IKZF3: variants seen among roughly 807,000 people sequenced by gnomAD.
IKZF3 encodes the protein IKAROS family zinc finger 3.
Under a neutral mutation model 49.0 loss-of-function variants are expected in IKZF3, and 10 were observed. That is an observed-to-expected ratio of 0.20 (90% CI 0.13 to 0.35). The LOEUF is 0.35. Ranked by LOEUF, IKZF3 falls within the 10% of genes least tolerant of loss-of-function variation. The pLI is 1.00. For missense variants in IKZF3, 498 were observed against 664.8 expected, an observed-to-expected ratio of 0.75 and a Z score of 2.76; for synonymous variants, 209 against 228.2, an observed-to-expected ratio of 0.92 and a Z score of 0.76.
chr17:39,784,137 ATAT>A (rs1404540104), intron 6 of IKZF3, among the ~76,000 whole-genome samples: 1 of 152,192 alleles, frequency 6.6e-6, no homozygotes, highest in Middle Eastern at 3.2e-3. Flanking sequence ...TTATTTAAAA[ATAT>A]TATTATTGCT....
chr17:39,832,048 T>A, intron 2 of IKZF3, 50 bp downstream of exon 2: 1 of 1,337,766 alleles, frequency 7.5e-7, no homozygotes, highest in Admixed American at 1.8e-5. Context: ...CTCTCTTTGG[T>A]ATTTTTTTTA....
At chr17:39,779,375 C>T (rs1025133317) in intron 6 of IKZF3, among the ~76,000 whole-genome samples, 49 of 152,082 alleles carry the variant, frequency 3.2e-4, no homozygotes, top group Admixed American at 3.1e-3. Flanking sequence ...GCCGGAGAAT[C>T]GCTTGAACCC....
At chr17:39,768,112 T>C (rs1221874664) in intron 7 of IKZF3, among the ~76,000 whole-genome samples, 1 of 152,164 alleles carries the variant, frequency 6.6e-6, no homozygotes, top group Non-Finnish European at 1.5e-5. Flanking sequence ...TTATTCTAAA[T>C]GCCCACATTT....
At chr17:39,784,991 G>A (rs964391707) in intron 6 of IKZF3, among the ~76,000 whole-genome samples, 4 of 152,126 alleles carry the variant, frequency 2.6e-5, no homozygotes, top group Non-Finnish European at 5.9e-5. Context: ...CTTACAATAA[G>A]CACTTGAAGA....
intron 3 of IKZF3, among the ~76,000 whole-genome samples, chr17:39,801,373 C>G (rs752555081): frequency 6.6e-6 from 1 of 151,834 alleles, no homozygotes; most frequent in African/African-American, 2.4e-5. Flanking sequence ...GGGGGCTTTT[C>G]TAGCACGCCA....
intron 3 of IKZF3, among the ~76,000 whole-genome samples, chr17:39,806,286 T>C (rs2061430607): frequency 6.6e-6 from 1 of 152,202 alleles, no homozygotes; most frequent in South Asian, 2.1e-4. Context: ...CAGGCAAAGA[T>C]TTCTTAGATA....
intron 6 of IKZF3, among the ~76,000 whole-genome samples, chr17:39,783,915 T>A (rs113812449): frequency 3.3e-5 from 5 of 151,724 alleles, no homozygotes; most frequent in African/African-American, 9.7e-5. Context: ...GGTGACAGAG[T>A]GAGACTCTGT....
At chr17:39,831,201 G>T (rs1486059883) in intron 2 of IKZF3, among the ~76,000 whole-genome samples, 1 of 152,010 alleles carries the variant, frequency 6.6e-6, no homozygotes, top group East Asian at 1.9e-4. Flanking sequence ...GACCAACGTG[G>T]TGAAACCCCG....
chr17:39,763,472 C>A lies in IKZF3; in HGVS notation c.*2318G>T, dbSNP rs1472994063. The A allele has an allele frequency of 6.6e-6, 1 of 152,038 alleles. No individual in the cohort carries two copies. The highest frequency in any genetic ancestry group is 1.5e-5 in the Non-Finnish European group (1 of 68,002). 9.4% of individuals were successfully genotyped at this position (152,038 alleles called of 1,614,324 possible). On this transcript the variant is annotated 3_prime_UTR_variant, in exon 8 of 8. Transcript: ENST00000346872. ...TGTCCCTGGAAGCAGAATTTATTTT[C>A]CCTAACATAATTTCTTAAAAAGTAA...
Position 39,766,201 on chromosome 17 carries a change from A to G in IKZF3, c.1119T>C (p.Ser373=), listed in dbSNP as rs774289413. ...TATTGTTGGGAGAGAGGCCTCTCTC[A>G]GAAGGCACGCTCTTCTCTGGAAGGT... The part of the protein sequence containing the change: ...SIHLPEKSVP[S]ERGLSPNNSG... Residue 373 remains serine (S), a synonymous_variant, in exon 8 of 8, where the codon TCT becomes TCC. Coordinates refer to ENST00000346872, the MANE Select transcript of IKZF3 (RefSeq NM_012481.5). The G allele has an allele frequency of 5.6e-6, 9 of 1,614,004 alleles. No individual in the cohort carries two copies. In the Admixed American group the frequency reaches 1.5e-4, roughly 27 times the overall value.
chr17:39,835,161 C>T (rs1022254646), intron 1 of IKZF3: 4 of 490,704 alleles, frequency 8.2e-6, no homozygotes, highest in East Asian at 5.4e-5. Flanking sequence ...ACCTGAGTAG[C>T]CCCTGGTGGT....
At chr17:39,805,875 A>T (rs1439676208) in intron 3 of IKZF3, among the ~76,000 whole-genome samples, 1 of 152,240 alleles carries the variant, frequency 6.6e-6, no homozygotes, top group Non-Finnish European at 1.5e-5. Context: ...ACTGCAATCT[A>T]TGTCCTTTCT....
chr17:39,862,048 C>T (rs2063228009), intron 1 of IKZF3, among the ~76,000 whole-genome samples: 1 of 152,014 alleles, frequency 6.6e-6, no homozygotes, highest in Non-Finnish European at 1.5e-5. Flanking sequence ...TGTTATAGTA[C>T]AAATAATAAA....
chr17:39,799,220 T>G (rs1293760188), intron 3 of IKZF3, among the ~76,000 whole-genome samples: 1 of 152,152 alleles, frequency 6.6e-6, no homozygotes, highest in Non-Finnish European at 1.5e-5. Context: ...TCGAGTTAGA[T>G]GCAGTGCCCT....
At chr17:39,793,034 G>A (rs1327127695) in intron 3 of IKZF3, 101 bp from the exon 4 acceptor site, 4 of 1,177,692 alleles carry the variant, frequency 3.4e-6, no homozygotes, top group Non-Finnish European at 4.8e-6. Context: ...AATACCAATC[G>A]AAGCTAACAA....
intron 6 of IKZF3, among the ~76,000 whole-genome samples, chr17:39,785,978 C>T (rs914264741): frequency 1.4e-4 from 21 of 152,238 alleles, no homozygotes; most frequent in African/African-American, 4.8e-4. Flanking sequence ...TTGTATGATT[C>T]CATTTATGTG....
intron 1 of IKZF3, among the ~76,000 whole-genome samples, chr17:39,850,698 CATTA>C (rs2062824967): frequency 3.6e-3 from 8 of 2,208 alleles, no homozygotes; most frequent in South Asian, 0.016. Flanking sequence ...ATTATATATA[CATTA>C]TATATAATAC....
intron 6 of IKZF3, among the ~76,000 whole-genome samples, chr17:39,780,138 A>T (rs1468108158): frequency 4.6e-5 from 7 of 151,272 alleles, no homozygotes; most frequent in African/African-American, 1.7e-4. Context: ...CAGGGGTTTG[A>T]GGTTACGGTG....
intron 5 of IKZF3, among the ~76,000 whole-genome samples, chr17:39,789,898 C>CAA (rs1491574424): frequency 3.3e-4 from 14 of 41,978 alleles, no homozygotes; most frequent in Admixed American, 9.7e-4. Flanking sequence ...GACTCCGTCT[C>CAA]AAAAAAAAAA....
Sources: gnomAD v4.1 joint callset for allele counts (sites outside exome capture counted in the v4.1 genomes callset) on GRCh38, gnomAD v4.1.1 for gene constraint, MANE v1.5 for transcripts, NCBI Gene and HGNC (gene_info 2026-07-23, HGNC 2026-07-21) for gene names.